Variants in EPHA6 observed in about 807,000 individuals in gnomAD.
EPHA6 encodes EPH receptor A6.
Under a neutral mutation model 112.0 loss-of-function variants are expected in EPHA6, and 50 were observed. The observed-to-expected ratio is 0.45, with a 90% CI of 0.36 to 0.56. The LOEUF (loss-of-function observed/expected upper bound fraction) is 0.56, where lower values mean the gene tolerates loss of function less well. Among genes scored for constraint, EPHA6 ranks in the 20% least tolerant of loss-of-function variants. EPHA6 has a pLI of 0.00. For missense variants in EPHA6, 1,280 were observed against 1,417.4 expected (o/e 0.90, Z 1.56); for synonymous variants, 529 against 490.7 (o/e 1.08, Z -1.03).
At chr3:97,610,938 T>C in intron 13 of EPHA6, 84 bp downstream of exon 13, 1 of 1,162,104 alleles carries the variant, frequency 8.6e-7, no homozygotes, top group Non-Finnish European at 1.2e-6. Flanking sequence ...AATTTTTGCA[T>C]AATGTTATTC....
intron 5 of EPHA6, among the ~76,000 whole-genome samples, chr3:97,341,547 G>A (rs774782587): frequency 4.6e-5 from 7 of 151,952 alleles, no homozygotes; most frequent in African/African-American, 7.2e-5. Context: ...TAGAGACGGG[G>A]TTTCACCATG....
intron 6 of EPHA6, among the ~76,000 whole-genome samples, chr3:97,437,100 T>A (rs2089889342): frequency 6.6e-6 from 1 of 152,092 alleles, no homozygotes; most frequent in Non-Finnish European, 1.5e-5. Flanking sequence ...TGGTGTATTT[T>A]ATGTGTGGCC....
At chr3:96,941,035 T>C (rs1392002407) in intron 2 of EPHA6, among the ~76,000 whole-genome samples, 2 of 152,200 alleles carry the variant, frequency 1.3e-5, no homozygotes, top group Non-Finnish European at 2.9e-5. Flanking sequence ...CTTAACATTT[T>C]TTCCTTCATT....
chr3:97,226,550 G>A (rs1026862687), intron 4 of EPHA6, 131 bp downstream of exon 4: 70 of 822,782 alleles, frequency 8.5e-5, no homozygotes, highest in Non-Finnish European at 1.3e-4. Flanking sequence ...TAACAGTCAA[G>A]GAAAAAGCTT....
intron 3 of EPHA6, among the ~76,000 whole-genome samples, chr3:97,203,330 T>G (rs1436958511): frequency 2.6e-5 from 4 of 152,070 alleles, no homozygotes; most frequent in African/African-American, 9.7e-5. Context: ...AGGGACAGAT[T>G]TAACATGTAT....
In EPHA6 at chr3:97,755,661, T is replaced by C. The variant is rs1334434274; in HGVS notation, c.*6960T>C. 6.6e-6 allele frequency among the ~76,000 whole-genome samples: 1 copy of C among 152,166 alleles called. No homozygotes were observed. Among genetic ancestry groups the C allele is most frequent in the East Asian group, 1.9e-4 (1 of 5,202 alleles). ...GGATATAAGAATCATTTTTCATATATTCCATTCAATTTGTATATTTAGGTA... is the reference window on the plus strand; with the variant it reads ...GGATATAAGAATCATTTTTCATATACTCCATTCAATTTGTATATTTAGGTA... On this transcript the variant is annotated 3_prime_UTR_variant, in exon 18 of 18. Coordinates refer to ENST00000389672, the MANE Select transcript of EPHA6 (RefSeq NM_001080448.3).
At chr3:97,394,055 T>A (rs1379772097) in intron 5 of EPHA6, among the ~76,000 whole-genome samples, 1 of 151,774 alleles carries the variant, frequency 6.6e-6, no homozygotes, top group Non-Finnish European at 1.5e-5. Context: ...ATTTGTAACA[T>A]ATGAATTTCA....
rs142868689 is a variant in EPHA6, at chr3:96,850,351, G to A, written c.386-16474G>A. Among the ~76,000 whole-genome samples the A allele has an allele frequency of 6.5e-3, 990 of 152,160 alleles. 7 individuals carry two copies. The highest frequency in any genetic ancestry group is 0.022 in the African/African-American group (897 of 41,516). ...GCCCAATAATTAGCGCTTAGGGGTC[G>A]GAGGTACATATTTCATCGCCTGGAA... On this transcript the variant is annotated intron_variant, in intron 1 of 17. Transcript: ENST00000389672.
At chr3:97,492,585 A>C (rs1338661952) in intron 10 of EPHA6, among the ~76,000 whole-genome samples, 4 of 133,370 alleles carry the variant, frequency 3.0e-5, no homozygotes, top group South Asian at 4.6e-4. Context: ...AAAAAAAAAA[A>C]AAAAAAAAAC....
chr3:97,223,846 A>G (rs2078273471), intron 3 of EPHA6, among the ~76,000 whole-genome samples: 1 of 152,204 alleles, frequency 6.6e-6, no homozygotes, highest in African/African-American at 2.4e-5. Flanking sequence ...TTAAACTTTA[A>G]CATTAATATG....
intron 5 of EPHA6, among the ~76,000 whole-genome samples, chr3:97,344,689 T>C (rs1437000940): frequency 6.6e-6 from 1 of 152,226 alleles, no homozygotes; most frequent in Non-Finnish European, 1.5e-5. Context: ...TCCCAGTTGT[T>C]CCATGCCATT....
chr3:97,534,533 A>G (rs1250265080), intron 11 of EPHA6, among the ~76,000 whole-genome samples: 1 of 150,760 alleles, frequency 6.6e-6, no homozygotes, highest in Non-Finnish European at 1.5e-5. Flanking sequence ...TGAATTGAAC[A>G]ACATTAAATA....
At chr3:97,434,395 C>T (rs2089697103) in intron 6 of EPHA6, among the ~76,000 whole-genome samples, 1 of 152,062 alleles carries the variant, frequency 6.6e-6, no homozygotes, top group Non-Finnish European at 1.5e-5. Context: ...AAGTTAACTG[C>T]AGTATGTCCT....
chr3:97,579,835 A>G (rs2093421579), intron 11 of EPHA6, among the ~76,000 whole-genome samples: 1 of 152,182 alleles, frequency 6.6e-6, no homozygotes, highest in Non-Finnish European at 1.5e-5. Flanking sequence ...ATTTACCATC[A>G]TATAGTAAAA....
intron 5 of EPHA6, among the ~76,000 whole-genome samples, chr3:97,250,040 A>G (rs1479140559): frequency 6.6e-6 from 1 of 152,226 alleles, no homozygotes; most frequent in Non-Finnish European, 1.5e-5. Context: ...AAACACCTCT[A>G]TAACTTGACA....
In EPHA6 at chr3:97,758,774, G is replaced by A. The variant is rs1030468204; in HGVS notation, c.*10073G>A. Among the ~76,000 whole-genome samples, 2 of 151,902 alleles carry A rather than the reference G, an allele frequency of 1.3e-5. No homozygotes were observed. Among genetic ancestry groups the A allele is most frequent in the African/African-American group, 4.8e-5 (2 of 41,402 alleles). On this transcript the variant is annotated 3_prime_UTR_variant, in exon 18 of 18. Transcript: ENST00000389672. The stretch of plus-strand genomic sequence containing the variant: ...ATCCATGAGAAGATATGGGGGAAGA[G>A]CATTACAAGCAGAGGGAAAATTTAA...
At position 97,214,083 on chromosome 3, in the gene EPHA6, G is replaced by T. The variant is rs188042814; in HGVS notation, c.1115-12181G>T. 8.0e-5 allele frequency among the ~76,000 whole-genome samples: 12 copies of T among 150,442 alleles called. No homozygotes were observed. The East Asian group carries it at 2.4e-3, about 30-fold the overall frequency. On this transcript the variant is annotated intron_variant, in intron 3 of 17. Coordinates refer to ENST00000389672, the MANE Select transcript of EPHA6 (RefSeq NM_001080448.3). Reference sequence around the variant, plus strand: ...AGAGGGAGTCTCATTCTGTTGCCCAGGCTGGAGTGCAGTGGTGCAATCTCA... The same window carrying T: ...AGAGGGAGTCTCATTCTGTTGCCCATGCTGGAGTGCAGTGGTGCAATCTCA...
intron 14 of EPHA6, among the ~76,000 whole-genome samples, chr3:97,650,857 A>AG (rs1157612206): frequency 3.6e-4 from 8 of 21,920 alleles, no homozygotes; most frequent in Admixed American, 2.8e-3. Flanking sequence ...ACTCCATCTC[A>AG]AAAAAAAAAA....
At chr3:97,688,255 G>A (rs920534601) in intron 14 of EPHA6, among the ~76,000 whole-genome samples, 2 of 151,864 alleles carry the variant, frequency 1.3e-5, no homozygotes, top group Admixed American at 6.6e-5. Context: ...CTGTTATTTG[G>A]TATGTAATTT....
Sources: gnomAD v4.1 joint callset for allele counts (sites outside exome capture counted in the v4.1 genomes callset) on GRCh38, gnomAD v4.1.1 for gene constraint, MANE v1.5 for transcripts, NCBI Gene and HGNC (gene_info 2026-07-23, HGNC 2026-07-21) for gene names.